AGK: variants seen among roughly 807,000 people sequenced by gnomAD.
The protein encoded by AGK is acylglycerol kinase, mitochondrial.
In AGK, 52 loss-of-function variants were observed where a neutral mutation model predicts 66.4. The observed-to-expected ratio is 0.78, with a 90% confidence interval of 0.63 to 0.99. The LOEUF (loss-of-function observed/expected upper bound fraction) is 0.99, where lower values mean the gene tolerates loss of function less well. Among genes scored for constraint, AGK ranks in the 50% least tolerant of loss-of-function variants. The pLI is 0.00. For synonymous variants in AGK, 182 were observed against 181.1 expected (o/e 1.00, Z -0.04); for missense variants, 451 against 506.6 (o/e 0.89, Z 1.05).
intron 2 of AGK, among the ~76,000 whole-genome samples, chr7:141,592,143 A>T (rs1024522926): frequency 1.3e-5 from 2 of 152,204 alleles, no homozygotes; most frequent in African/African-American, 4.8e-5. Flanking sequence ...TTGTTACCTT[A>T]ACAAATTACC....
In AGK at chr7:141,613,619, A is replaced by G. The variant is rs140676802; in HGVS notation, c.391-527A>G. On this transcript the variant is annotated intron_variant, in intron 6 of 15. Transcript: ENST00000649286. ...GGGTGACAGAGTGAGACTCCACTGC[A>G]AAAGAAAAACAAAATAATAATAGTT... Among the ~76,000 whole-genome samples, 214 of 152,350 alleles carry G rather than the reference A, an allele frequency of 1.4e-3. 2 individuals carry two copies. The highest frequency in any genetic ancestry group is 4.9e-3 in the African/African-American group (205 of 41,582).
intron 2 of AGK, among the ~76,000 whole-genome samples, chr7:141,589,634 C>T (rs1333671550): frequency 6.6e-6 from 1 of 151,828 alleles, no homozygotes; most frequent in Non-Finnish European, 1.5e-5. Flanking sequence ...GTTCTCGGCT[C>T]ATTGCAACCT....
intron 9 of AGK, among the ~76,000 whole-genome samples, chr7:141,630,688 C>G (rs1797036614): frequency 6.6e-6 from 1 of 152,070 alleles, no homozygotes; most frequent in African/African-American, 2.4e-5. Flanking sequence ...GAAAACTTAC[C>G]ACACTATTAT....
intron 2 of AGK, among the ~76,000 whole-genome samples, chr7:141,582,546 G>C (rs1370437983): frequency 6.6e-6 from 1 of 152,022 alleles, no homozygotes; most frequent in Non-Finnish European, 1.5e-5. Context: ...ACAGCCTTCT[G>C]ACCTTTCAGG....
intron 13 of AGK, among the ~76,000 whole-genome samples, chr7:141,643,288 G>A (rs966535103): frequency 7.2e-5 from 11 of 152,148 alleles, no homozygotes; most frequent in Non-Finnish European, 1.2e-4. Context: ...AATGGCACAC[G>A]TTTATACCTA....
chr7:141,627,306 C>G (rs944918646), intron 9 of AGK, among the ~76,000 whole-genome samples: 1 of 151,848 alleles, frequency 6.6e-6, no homozygotes, highest in African/African-American at 2.4e-5. Context: ...CTGGAAAGGG[C>G]AAATTCCTAG....
At position 141,650,456 on chromosome 7, in the gene AGK, CCTT is replaced by C. The variant is rs769184908; in HGVS notation, c.1047-1066_1047-1064del. The C allele has an allele frequency of 1.5e-4, 147 of 968,478 alleles. 1 individual carries two copies. Among genetic ancestry groups the C allele is most frequent in the Non-Finnish European group, 1.6e-4 (134 of 814,594 alleles). 60.0% of individuals were successfully genotyped at this position (968,478 alleles called of 1,614,324 possible). A position where few individuals can be genotyped will look rare whatever the true frequency, so the allele number is the denominator to read the frequency against. ...TGTTAGCACCAGTGGCAGCCAGTGT[CCTT>C]CTGTTCTCTACAGGAAGTGAAATCA... On this transcript the variant is annotated intron_variant, in intron 14 of 15. Transcript: ENST00000649286.
chr7:141,561,965 C>A, intron 2 of AGK: 1 of 444,136 alleles, frequency 2.3e-6, no homozygotes. Flanking sequence ...GGATAGCGGG[C>A]TCTAGGCTGG....
At chr7:141,575,888 T>G (rs1795727160) in intron 2 of AGK, among the ~76,000 whole-genome samples, 1 of 152,090 alleles carries the variant, frequency 6.6e-6, no homozygotes, top group South Asian at 2.1e-4. Context: ...GAGGATTGAC[T>G]TTATTGAGAC....
intron 9 of AGK, among the ~76,000 whole-genome samples, chr7:141,624,771 A>G (rs1162088310): frequency 1.3e-5 from 2 of 152,254 alleles, no homozygotes; most frequent in Non-Finnish European, 2.9e-5. Context: ...TGACAAAAAA[A>G]GGATTTAAAA....
At chr7:141,649,502 A>G (rs143372159) in intron 14 of AGK, among the ~76,000 whole-genome samples, 169 bp downstream of exon 14, 1,789 of 152,292 alleles carry the variant, frequency 0.012, 19 homozygotes, top group Non-Finnish European at 0.018. Context: ...CCCCTCTCCT[A>G]TGCTGGCCAT....
At chr7:141,612,551 G>A (rs777483131) in intron 6 of AGK, among the ~76,000 whole-genome samples, 3 of 152,122 alleles carry the variant, frequency 2.0e-5, no homozygotes, top group Non-Finnish European at 4.4e-5. Flanking sequence ...TGATAATAAG[G>A]TGTCAATGTA....
chr7:141,652,660 T>G, intron 15 of AGK, 127 bp from the exon 16 acceptor site: 1 of 1,001,046 alleles, frequency 1.0e-6, no homozygotes. Flanking sequence ...TAAAAGAACA[T>G]TAGGATAGCT....
At chr7:141,584,382 ACG>A (rs773777071) in intron 2 of AGK, among the ~76,000 whole-genome samples, 190 of 152,238 alleles carry the variant, frequency 1.2e-3, no homozygotes, top group Non-Finnish European at 2.4e-3. Flanking sequence ...GGCCATCTGG[ACG>A]CATATACATG....
intron 9 of AGK, among the ~76,000 whole-genome samples, chr7:141,625,590 G>T (rs1226553714): frequency 2.6e-5 from 4 of 151,984 alleles, no homozygotes; most frequent in Non-Finnish European, 5.9e-5. Flanking sequence ...ATGACCTTTG[G>T]TCCACAAGTA....
chr7:141,561,985 A>C, intron 2 of AGK: 1 of 453,048 alleles, frequency 2.2e-6, no homozygotes, highest in East Asian at 7.0e-5. Context: ...GTGCTGGGGA[A>C]TGTCTGAAAA....
In AGK at chr7:141,631,721, C is replaced by G. The variant is rs1797060372; in HGVS notation, c.589-2180C>G. On this transcript the variant is annotated intron_variant, in intron 9 of 15. Coordinates refer to ENST00000649286, the MANE Select transcript of AGK (RefSeq NM_018238.4). ...TACAATCTGTTGTCAGCACAACAGC[C>G]AGTGTGTGGTCAGGAATTAGAGCAT... Among the ~76,000 whole-genome samples, 3 of 152,120 alleles carry G rather than the reference C, an allele frequency of 2.0e-5. No homozygotes were observed. In the South Asian group the frequency reaches 6.2e-4, roughly 32 times the overall value.
At position 141,653,912 on chromosome 7, in the gene AGK, T is replaced by C. The variant is rs977810509; in HGVS notation, c.*988T>C. On this transcript the variant is annotated 3_prime_UTR_variant, in exon 16 of 16. Coordinates refer to ENST00000649286, the MANE Select transcript of AGK (RefSeq NM_018238.4). ...CTGTTACATCACTATTTTAAACATA[T>C]CCAGTACAATTTAAATATCACAACA... 6.6e-6 allele frequency: 1 copy of C among 152,210 alleles called. No homozygotes were observed. The highest frequency in any genetic ancestry group is 2.4e-5 in the African/African-American group (1 of 41,454). The allele number at this position is 152,210 out of a possible 1,614,324, so 9.4% of individuals were successfully genotyped here.
chr7:141,632,396 T>TC (rs1797079047), intron 9 of AGK, among the ~76,000 whole-genome samples: 1 of 152,194 alleles, frequency 6.6e-6, no homozygotes, highest in Non-Finnish European at 1.5e-5. Context: ...TCCTTACCAT[T>TC]CCCTCTTGGT....
Sources: allele counts gnomAD v4.1 joint callset (sites outside exome capture counted in the v4.1 genomes callset), GRCh38; gene constraint gnomAD v4.1.1; transcripts MANE v1.5; gene names NCBI Gene and HGNC (gene_info 2026-07-23, HGNC 2026-07-21).